The following PPP1R9A variants were observed in gnomAD, a reference collection of about 807,000 sequenced individuals.
PPP1R9A encodes protein phosphatase 1 regulatory subunit 9A, also known as neurabin-1.
In PPP1R9A, 59 loss-of-function variants were observed where a neutral mutation model predicts 141.9. The ratio of observed to expected loss-of-function variants is 0.42; its 90% CI spans 0.34 to 0.52. PPP1R9A has a LOEUF of 0.52. Among genes scored for constraint, PPP1R9A ranks in the 20% least tolerant of loss-of-function variants. The pLI, the probability that PPP1R9A is intolerant of heterozygous loss-of-function variation, is 0.10. For missense variants in PPP1R9A, 1,444 were observed against 1,611.9 expected (o/e 0.90, Z 1.78); for synonymous variants, 500 against 569.7 (o/e 0.88, Z 1.74).
intron 4 of PPP1R9A, among the ~76,000 whole-genome samples, chr7:95,140,120 A>G (rs1408840781): frequency 1.3e-5 from 2 of 152,200 alleles, no homozygotes; most frequent in Non-Finnish European, 2.9e-5. Flanking sequence ...TGAAAGTAGA[A>G]GTAGGTGGTT....
chr7:95,046,429 A>G (rs1408931875), intron 2 of PPP1R9A, among the ~76,000 whole-genome samples: 1 of 152,106 alleles, frequency 6.6e-6, no homozygotes, highest in Non-Finnish European at 1.5e-5. Context: ...TGTTTCAGAT[A>G]TTGTATTTTC....
intron 2 of PPP1R9A, among the ~76,000 whole-genome samples, chr7:95,047,639 T>C (rs1810209143): frequency 6.6e-6 from 1 of 152,214 alleles, no homozygotes; most frequent in Admixed American, 6.5e-5. Flanking sequence ...TGAAGAATTT[T>C]CTTGATTTCA....
intron 8 of PPP1R9A, among the ~76,000 whole-genome samples, chr7:95,226,545 T>C (rs988097035): frequency 2.6e-5 from 4 of 152,176 alleles, no homozygotes; most frequent in African/African-American, 9.7e-5. Flanking sequence ...GAGAGTTTAA[T>C]ACACAGACTT....
At chr7:95,288,805 T>G in intron 19 of PPP1R9A, 87 bp downstream of exon 19, 3 of 1,424,784 alleles carry the variant, frequency 2.1e-6, no homozygotes, top group Non-Finnish European at 2.8e-6. Flanking sequence ...GTAAGAGCAT[T>G]CTGCATATCT....
At chr7:94,935,133 A>G (rs1478185303) in intron 2 of PPP1R9A, among the ~76,000 whole-genome samples, 5 of 152,210 alleles carry the variant, frequency 3.3e-5, no homozygotes, top group Non-Finnish European at 7.3e-5. Context: ...ATGTTCATGA[A>G]TAATGTACAT....
chr7:95,005,130 A>G (rs971196726), intron 2 of PPP1R9A, among the ~76,000 whole-genome samples: 10 of 152,158 alleles, frequency 6.6e-5, no homozygotes, highest in African/African-American at 2.2e-4. Flanking sequence ...TGTTTTGCTC[A>G]ATGTTGTATT....
chr7:95,094,590 T>C (rs1817773873), intron 2 of PPP1R9A, among the ~76,000 whole-genome samples: 1 of 151,932 alleles, frequency 6.6e-6, no homozygotes, highest in East Asian at 1.9e-4. Context: ...CTTTTAAAGA[T>C]AGAAACAGGC....
intron 2 of PPP1R9A, among the ~76,000 whole-genome samples, chr7:94,925,728 G>T (rs1428261298): frequency 1.3e-5 from 2 of 152,062 alleles, no homozygotes; most frequent in South Asian, 4.1e-4. Flanking sequence ...TACACAGTTG[G>T]TGTTAATAAC....
At chr7:95,240,694 T>C (rs1474404810) in intron 8 of PPP1R9A, among the ~76,000 whole-genome samples, 3 of 152,146 alleles carry the variant, frequency 2.0e-5, no homozygotes, top group Non-Finnish European at 2.9e-5. Flanking sequence ...TAACATGACT[T>C]AATTCTCTTA....
At chr7:95,280,259 T>G (rs1054811898) in intron 16 of PPP1R9A, among the ~76,000 whole-genome samples, 5 of 152,204 alleles carry the variant, frequency 3.3e-5, no homozygotes, top group Admixed American at 1.3e-4. Context: ...GCAACTAATT[T>G]TCTTCAATTA....
chr7:94,910,675 T>C lies in PPP1R9A; in HGVS notation c.562T>C (p.Leu188=), dbSNP rs1434830588. Reference sequence around the variant, plus strand: ...GTCCAACAGAGGCAGTACTGATTCCTTGGACAGCCTTAGCTCCCGAACTGA... The same window carrying C: ...GTCCAACAGAGGCAGTACTGATTCCCTGGACAGCCTTAGCTCCCGAACTGA... ...SKSNRGSTDS[L]DSLSSRTEAV... is the part of the protein sequence containing the mutation. Residue 188 remains leucine, a synonymous_variant, in exon 2 of 20, where the codon TTG becomes CTG. Transcript: ENST00000433360. The surrounding 1 kb of genome is among the most constrained non-coding windows in gnomAD (Gnocchi z 4.5). 6.2e-7 allele frequency: 1 copy of C among 1,614,172 alleles called. No homozygotes were observed. Among genetic ancestry groups the C allele is most frequent in the East Asian group, 2.2e-5 (1 of 44,876 alleles).
intron 4 of PPP1R9A, among the ~76,000 whole-genome samples, chr7:95,124,371 C>G (rs1197854952): frequency 6.6e-6 from 1 of 151,986 alleles, no homozygotes; most frequent in African/African-American, 2.4e-5. Flanking sequence ...TTTTCTCTCT[C>G]TTTGTTCCTT....
intron 4 of PPP1R9A, among the ~76,000 whole-genome samples, chr7:95,128,680 G>A (rs1824018095): frequency 6.6e-6 from 1 of 152,106 alleles, no homozygotes; most frequent in Admixed American, 6.5e-5. Flanking sequence ...GGGTTCAAGC[G>A]ATTCTCCTGC....
chr7:95,242,679 T>C lies in PPP1R9A; in HGVS notation c.2113-4794T>C, dbSNP rs146473320. Among the ~76,000 whole-genome samples the C allele has an allele frequency of 7.5e-4, 114 of 152,316 alleles. 1 individual carries two copies. In the East Asian group the frequency reaches 0.019, roughly 26 times the overall value. ...TCATAGGAATGTGTATGTTTATTTG[T>C]GCTGAAATCCTGAGGTGCATATCTA... is the stretch of plus-strand genomic sequence containing the variant. On this transcript the variant is annotated intron_variant, in intron 8 of 19. Transcript: ENST00000433360.
chr7:95,201,277 G>C (rs575941354), intron 6 of PPP1R9A, among the ~76,000 whole-genome samples: 2 of 152,096 alleles, frequency 1.3e-5, no homozygotes, highest in Admixed American at 6.6e-5. Context: ...CGAGGTGCTT[G>C]CTATGTTACT....
intron 5 of PPP1R9A, among the ~76,000 whole-genome samples, chr7:95,173,249 G>A (rs570352687): frequency 6.1e-4 from 92 of 151,978 alleles, no homozygotes; most frequent in Middle Eastern, 3.4e-3. Context: ...AGAGGGAAAC[G>A]CTGTAGGTAA....
At chr7:95,149,547 T>C (rs1193062767) in intron 4 of PPP1R9A, among the ~76,000 whole-genome samples, 1 of 152,004 alleles carries the variant, frequency 6.6e-6, no homozygotes, top group Non-Finnish European at 1.5e-5. Context: ...AAGCTTATTA[T>C]ACAAAAGTCA....
chr7:95,172,778 T>TA (rs1176389938), intron 5 of PPP1R9A, among the ~76,000 whole-genome samples: 2 of 151,764 alleles, frequency 1.3e-5, no homozygotes, highest in Admixed American at 1.3e-4. Flanking sequence ...ATGTTATTGT[T>TA]AAAAAAAATT....
At chr7:95,113,183 G>GA (rs1461734587) in intron 3 of PPP1R9A, among the ~76,000 whole-genome samples, 1 of 152,128 alleles carries the variant, frequency 6.6e-6, no homozygotes, top group Non-Finnish European at 1.5e-5. Flanking sequence ...TTATTGTTGA[G>GA]ACTTAAGTTG....
Sources: allele counts gnomAD v4.1 joint callset (sites outside exome capture counted in the v4.1 genomes callset), GRCh38; gene constraint gnomAD v4.1.1; non-coding constraint Gnocchi (gnomAD v3.1); transcripts MANE v1.5; gene names NCBI Gene and HGNC (gene_info 2026-07-23, HGNC 2026-07-21).